DLG2: variants seen among roughly 807,000 people sequenced by gnomAD.
DLG2 encodes disks large homolog 2.
Under a neutral mutation model 132.5 loss-of-function variants are expected in DLG2, and 45 were observed. The ratio of observed to expected loss-of-function variants is 0.34; its 90% CI spans 0.27 to 0.44. The LOEUF (loss-of-function observed/expected upper bound fraction) is 0.44, where lower values mean the gene tolerates loss of function less well. Ranked by LOEUF, DLG2 falls within the 20% of genes least tolerant of loss-of-function variation. The probability of loss-of-function intolerance (pLI) is 1.00; values close to 1 mark genes in which losing one functional copy is unlikely to be tolerated. For missense variants in DLG2, 1,045 were observed against 1,196.9 expected (o/e 0.87, Z 1.87); for synonymous variants, 424 against 419.6 (o/e 1.01, Z -0.13).
intron 6 of DLG2, among the ~76,000 whole-genome samples, chr11:84,537,368 A>G (rs1206576306): frequency 6.6e-6 from 1 of 152,120 alleles, no homozygotes; most frequent in Non-Finnish European, 1.5e-5. Context: ...AGCCTCCCAA[A>G]GTGCTAGGAT....
chr11:84,384,801 T>C (rs576667827), intron 7 of DLG2, among the ~76,000 whole-genome samples: 1 of 152,172 alleles, frequency 6.6e-6, no homozygotes, highest in Admixed American at 6.6e-5. Context: ...TTTTCCTCTA[T>C]ATGTGCTGCA....
chr11:83,656,971 AC>A lies in DLG2; in HGVS notation c.1826-23647del, dbSNP rs1040399921. Among the ~76,000 whole-genome samples the A allele has an allele frequency of 1.6e-4, 24 of 152,018 alleles. 1 individual carries two copies. The highest frequency in any genetic ancestry group is 5.2e-4 in the Admixed American group (8 of 15,278). ...GTCTTCTCCCTACAAGGCCTTTGTT[AC>A]CCCCATGAGTGCCTCCTGAAATCCT... On this transcript the variant is annotated intron_variant, in intron 18 of 27. Coordinates refer to ENST00000376104, the MANE Select transcript of DLG2 (RefSeq NM_001142699.3).
chr11:85,111,802 A>G, intron 5 of DLG2, 67 bp from the exon 6 acceptor site: 8 of 1,211,512 alleles, frequency 6.6e-6, no homozygotes, highest in Non-Finnish European at 8.2e-6. Context: ...ATGCTAGCTG[A>G]CATGTTTATT....
chr11:83,556,869 G>C lies in DLG2; in HGVS notation c.1941-15011C>G, dbSNP rs75133312. On this transcript the variant is annotated intron_variant, in intron 19 of 27. Coordinates refer to ENST00000376104, the MANE Select transcript of DLG2 (RefSeq NM_001142699.3). ...TGGGATGATGCGGGGAAGATGACTA[G>C]ACAAGGAACCAGAGGTAAAAGGCAT... is the stretch of plus-strand genomic sequence containing the variant. 8.9e-3 allele frequency among the ~76,000 whole-genome samples: 1,351 copies of C among 152,318 alleles called. 29 individuals carry two copies. The highest frequency in any genetic ancestry group is 0.031 in the African/African-American group (1,274 of 41,554).
At chr11:85,502,487 C>CA (rs1565596472) in intron 3 of DLG2, among the ~76,000 whole-genome samples, 1 of 150,060 alleles carries the variant, frequency 6.7e-6, no homozygotes, top group East Asian at 2.0e-4. Context: ...AGAATGAGTT[C>CA]ATGTCCTTTG....
At chr11:84,599,731 TAATTAG>T (rs1344573922) in intron 6 of DLG2, among the ~76,000 whole-genome samples, 3 of 152,014 alleles carry the variant, frequency 2.0e-5, no homozygotes, top group Admixed American at 2.0e-4. Flanking sequence ...ATACATTCCG[TAATTAG>T]AAATTCCAAG....
chr11:85,108,821 TAAAAC>T (rs2072240802), intron 6 of DLG2, among the ~76,000 whole-genome samples: 1 of 151,938 alleles, frequency 6.6e-6, no homozygotes, highest in African/African-American at 2.4e-5. Context: ...CAAAAATAAA[TAAAAC>T]AAAATCTAAA....
At chr11:83,742,744 G>A (rs1324551217) in intron 18 of DLG2, among the ~76,000 whole-genome samples, 1 of 151,992 alleles carries the variant, frequency 6.6e-6, no homozygotes, top group African/African-American at 2.4e-5. Flanking sequence ...TTTCATCCTG[G>A]TCCATATTGT....
intron 9 of DLG2, among the ~76,000 whole-genome samples, chr11:84,147,530 T>C (rs1202073816): frequency 6.6e-6 from 1 of 152,176 alleles, no homozygotes; most frequent in African/African-American, 2.4e-5. Flanking sequence ...TAAAACACTG[T>C]AATTTCTTAT....
At chr11:83,922,447 G>C (rs1340735767) in intron 15 of DLG2, among the ~76,000 whole-genome samples, 1 of 152,102 alleles carries the variant, frequency 6.6e-6, no homozygotes, top group African/African-American at 2.4e-5. Flanking sequence ...CTTAGAAAGG[G>C]GCTATGCCTT....
At chr11:83,831,839 T>A (rs1195287660) in intron 17 of DLG2, among the ~76,000 whole-genome samples, 1 of 152,062 alleles carries the variant, frequency 6.6e-6, no homozygotes, top group East Asian at 1.9e-4. Context: ...CCTATCATAC[T>A]AAGGAGGAAG....
rs551452859 is a variant in DLG2 at position 84,800,110 on chromosome 11, T to A, written c.358-265379A>T. 5.9e-5 allele frequency among the ~76,000 whole-genome samples: 9 copies of A among 152,278 alleles called. No individual in the cohort carries two copies. The South Asian group carries it at 1.9e-3, about 32-fold the overall frequency. ...GTTTTACCCTAAGTTGAGTGGAGAC[T>A]AAAATTTTAAAAATCTGTATGTACA... On this transcript the variant is annotated intron_variant, in intron 6 of 27. Coordinates refer to ENST00000376104, the MANE Select transcript of DLG2 (RefSeq NM_001142699.3).
chr11:83,768,157 C>A (rs953758986), intron 18 of DLG2, among the ~76,000 whole-genome samples: 1 of 152,078 alleles, frequency 6.6e-6, no homozygotes, highest in African/African-American at 2.4e-5. Context: ...TTTTCTTATA[C>A]AAAAGAAAAA....
In DLG2 at chr11:84,059,375, G is replaced by A. The variant is rs147973724; in HGVS notation, c.859C>T (p.Arg287Cys). 6.2e-7 allele frequency: 1 copy of A among 1,613,348 alleles called. No individual in the cohort carries two copies. Residue 287 changes from arginine (R) to cysteine (C), a missense_variant, in exon 11 of 28, where the codon CGT (arginine) becomes TGT (cysteine). This residue lies in a region of DLG2 where 109 missense variants were observed against 159.1 expected (regional missense o/e 0.69). Transcript: ENST00000376104. ...GTCTCCAAAATAGGTCGTCTTCTACGCACATACAGCCGAACGATAGACCCT... is the reference window on the plus strand; with the variant it reads ...GTCTCCAAAATAGGTCGTCTTCTACACACATACAGCCGAACGATAGACCCT... ...EAGSIVRLYV[R>C]RRRPILETVV...
intron 16 of DLG2, among the ~76,000 whole-genome samples, chr11:83,856,664 C>T (rs889437251): frequency 2.0e-5 from 3 of 152,078 alleles, no homozygotes; most frequent in South Asian, 2.1e-4. Flanking sequence ...CCTTTGCCCA[C>T]TTTTTAATGG....
At chr11:83,510,558 T>C (rs976831842) in intron 21 of DLG2, among the ~76,000 whole-genome samples, 3 of 152,184 alleles carry the variant, frequency 2.0e-5, no homozygotes, top group Admixed American at 6.5e-5. Flanking sequence ...TTTAGCAGGA[T>C]GCATCACGGG....
chr11:83,456,946 C>T lies in DLG2; in HGVS notation c.*2872G>A, dbSNP rs978542871. On this transcript the variant is annotated 3_prime_UTR_variant, in exon 28 of 28. Coordinates refer to ENST00000376104, the MANE Select transcript of DLG2 (RefSeq NM_001142699.3). ...AAAAGGCCTGCAAATAAATGGCCGA[C>T]AATTCTGTGGGAGGAGAGCAAAAAA... 6.6e-6 allele frequency: 1 copy of T among 152,594 alleles called. No homozygotes were observed. Among genetic ancestry groups the T allele is most frequent in the Non-Finnish European group, 1.5e-5 (1 of 68,016 alleles). The allele number at this position is 152,594 out of a possible 1,614,324, so 9.5% of individuals were successfully genotyped here.
chr11:84,169,133 A>T (rs1430787756), intron 8 of DLG2, among the ~76,000 whole-genome samples: 1 of 152,216 alleles, frequency 6.6e-6, no homozygotes, highest in Non-Finnish European at 1.5e-5. Context: ...AGTACTAAAA[A>T]TAGTTCTTCC....
chr11:85,586,065 G>A (rs1241487921), intron 3 of DLG2, among the ~76,000 whole-genome samples: 1 of 152,098 alleles, frequency 6.6e-6, no homozygotes, highest in Non-Finnish European at 1.5e-5. Context: ...CTGCATCCTG[G>A]TATGAAAACC....
Sources: allele counts gnomAD v4.1 joint callset (sites outside exome capture counted in the v4.1 genomes callset), GRCh38; gene constraint gnomAD v4.1.1; regional missense constraint gnomAD v4.1.1; transcripts MANE v1.5; gene names NCBI Gene and HGNC (gene_info 2026-07-23, HGNC 2026-07-21).